Variants in STARD13 observed in about 807,000 individuals in gnomAD.
STARD13 encodes stAR-related lipid transfer protein 13.
A neutral mutation model predicts 106.4 loss-of-function variants in STARD13; 62 were observed. The observed-to-expected ratio is 0.58, with a 90% CI of 0.48 to 0.72. STARD13 has a LOEUF of 0.72. STARD13 is among the 30% of genes least tolerant of loss of function. The pLI is 0.00. For synonymous variants in STARD13, 565 were observed against 553.0 expected (o/e 1.02, Z -0.31); for missense variants, 1,387 against 1,424.0 (o/e 0.97, Z 0.42).
intron 1 of STARD13, among the ~76,000 whole-genome samples, chr13:33,178,368 T>C (rs1884915898): frequency 6.6e-6 from 1 of 152,212 alleles, no homozygotes; most frequent in Non-Finnish European, 1.5e-5. Context: ...AATCCAGTTC[T>C]TTGGAGGCTT....
At chr13:33,251,182 A>G (rs1331009974) in intron 1 of STARD13, among the ~76,000 whole-genome samples, 2 of 152,132 alleles carry the variant, frequency 1.3e-5, no homozygotes, top group African/African-American at 4.8e-5. Flanking sequence ...GATTTTTGTG[A>G]GCATGGGGGG....
the STARD13 span, among the ~76,000 whole-genome samples, chr13:33,590,017 C>T: frequency 0.016 from 2,375 of 152,220 alleles, 50 homozygotes; most frequent in East Asian, 0.051. Context: ...GGATAGTTAG[C>T]TCTTCTTGTT....
chr13:33,347,770 A>G (rs1372592935), downstream of STARD13, among the ~76,000 whole-genome samples: 2 of 152,172 alleles, frequency 1.3e-5, no homozygotes, highest in Non-Finnish European at 2.9e-5. Flanking sequence ...ATCACCTAAC[A>G]ATGCATTTCT....
chr13:33,280,482 A>G (rs1216186282), intron 1 of STARD13: 1 of 152,218 alleles, frequency 6.6e-6, no homozygotes, highest in Non-Finnish European at 1.5e-5. Flanking sequence ...ATTGTGAGGT[A>G]AGAGGCACAC....
chr13:33,498,954 A>T, the STARD13 span, among the ~76,000 whole-genome samples: 1 of 152,196 alleles, frequency 6.6e-6, no homozygotes, highest in African/African-American at 2.4e-5. Context: ...CCTGGCCAAT[A>T]TGGTGAAACC....
At chr13:33,451,643 G>A in the STARD13 span, among the ~76,000 whole-genome samples, 3 of 152,120 alleles carry the variant, frequency 2.0e-5, no homozygotes, top group Non-Finnish European at 2.9e-5. Context: ...TAGAGAAGCC[G>A]GAGCTCAGGA....
intron 1 of STARD13, among the ~76,000 whole-genome samples, chr13:33,334,652 C>T (rs554722733): frequency 6.6e-5 from 10 of 152,168 alleles, no homozygotes; most frequent in African/African-American, 2.2e-4. Flanking sequence ...AGGGCTTGAG[C>T]CAGCTCTTTA....
chr13:33,507,598 C>T, the STARD13 span, among the ~76,000 whole-genome samples: 1 of 152,102 alleles, frequency 6.6e-6, no homozygotes, highest in Non-Finnish European at 1.5e-5. Context: ...GACCCTTGAA[C>T]AAGGCACATG....
the STARD13 span, among the ~76,000 whole-genome samples, chr13:33,671,463 G>A: frequency 3.5e-4 from 53 of 152,290 alleles, no homozygotes; most frequent in East Asian, 6.7e-3. Flanking sequence ...TAGGATGGTC[G>A]TGATCACACC....
the STARD13 span, among the ~76,000 whole-genome samples, chr13:33,514,961 C>T: frequency 3.9e-5 from 6 of 151,980 alleles, no homozygotes; most frequent in African/African-American, 9.7e-5. Context: ...AGTGGAGCCT[C>T]GGAAAGTGTG....
At chr13:33,165,231 G>A in intron 3 of STARD13, 106 bp downstream of exon 3, 1 of 830,312 alleles carries the variant, frequency 1.2e-6, no homozygotes. Context: ...GCACATGGTA[G>A]GCACTCAGTG....
chr13:33,374,594 CA>C, the STARD13 span, among the ~76,000 whole-genome samples: 1 of 152,078 alleles, frequency 6.6e-6, no homozygotes, highest in Non-Finnish European at 1.5e-5. Context: ...CTATGGTGTT[CA>C]GGGGATGCAA....
the STARD13 span, among the ~76,000 whole-genome samples, chr13:33,563,570 A>G: frequency 2.0e-5 from 3 of 147,572 alleles, no homozygotes; most frequent in Admixed American, 6.9e-5. Flanking sequence ...ATATACCAAT[A>G]TCAAATAAAA....
chr13:33,450,665 A>G, the STARD13 span, among the ~76,000 whole-genome samples: 1 of 152,186 alleles, frequency 6.6e-6, no homozygotes, highest in Admixed American at 6.5e-5. Flanking sequence ...GATATACAAG[A>G]CATAATGGTT....
At chr13:33,176,510 A>G (rs769903637) in intron 1 of STARD13, among the ~76,000 whole-genome samples, 73 of 152,204 alleles carry the variant, frequency 4.8e-4, no homozygotes, top group Admixed American at 9.8e-4. Context: ...TATGCTCTTC[A>G]AGGTCAAAGA....
the STARD13 span, among the ~76,000 whole-genome samples, chr13:33,545,248 C>T: frequency 6.6e-6 from 1 of 152,234 alleles, no homozygotes; most frequent in South Asian, 2.1e-4. Context: ...GTGTGAGCCA[C>T]CGCGCCTGGC....
chr13:33,434,091 G>A, the STARD13 span, among the ~76,000 whole-genome samples: 11 of 152,092 alleles, frequency 7.2e-5, no homozygotes, highest in African/African-American at 2.7e-4. Context: ...TGTGGCTCAC[G>A]CCTGTAATCC....
the STARD13 span, among the ~76,000 whole-genome samples, chr13:33,588,987 A>G: frequency 6.6e-6 from 1 of 152,148 alleles, no homozygotes; most frequent in African/African-American, 2.4e-5. Flanking sequence ...AGTAAAAGGG[A>G]GTTTTCAGAC....
chr13:33,453,630 A>G, the STARD13 span, among the ~76,000 whole-genome samples: 1 of 152,358 alleles, frequency 6.6e-6, no homozygotes, highest in Admixed American at 6.5e-5. Flanking sequence ...CCACTCTTTT[A>G]TCTGTGTAAA....
Sources: allele counts gnomAD v4.1 joint callset (sites outside exome capture counted in the v4.1 genomes callset), GRCh38; gene constraint gnomAD v4.1.1; transcripts MANE v1.5; gene names NCBI Gene and HGNC (gene_info 2026-07-23, HGNC 2026-07-21).